Variants in ETFDH observed in about 807,000 individuals in gnomAD.
The protein encoded by ETFDH is electron transfer flavoprotein-ubiquinone oxidoreductase, mitochondrial.
A neutral mutation model predicts 73.2 loss-of-function variants in ETFDH; 61 were observed. That is an observed-to-expected ratio of 0.83 (90% confidence interval 0.68 to 1.03). The LOEUF is 1.03. ETFDH is among the 50% of genes least tolerant of loss of function. The pLI is 0.00. For synonymous variants in ETFDH, 243 were observed against 253.3 expected, an observed-to-expected ratio of 0.96 and a Z score of 0.39; for missense variants, 685 against 745.0, an observed-to-expected ratio of 0.92 and a Z score of 0.94.
At chr4:158,690,982 T>C (rs1016193082) in intron 6 of ETFDH, among the ~76,000 whole-genome samples, 6 of 152,192 alleles carry the variant, frequency 3.9e-5, no homozygotes, top group African/African-American at 9.7e-5. Context: ...TTAAAAAATA[T>C]AGAAGCAACT....
intron 8 of ETFDH, among the ~76,000 whole-genome samples, chr4:158,698,654 TTTG>T (rs1774375290): frequency 1.3e-5 from 2 of 152,282 alleles, no homozygotes; most frequent in Middle Eastern, 3.4e-3. Context: ...ATTTGTTTTT[TTTG>T]TTGTTGTTCA....
intron 9 of ETFDH, among the ~76,000 whole-genome samples, chr4:158,703,113 G>A (rs191731405): frequency 1.4e-3 from 210 of 152,262 alleles, no homozygotes; most frequent in Non-Finnish European, 2.6e-3. Context: ...ACATGGATAT[G>A]TGTAAATAAA....
At position 158,706,254 on chromosome 4, in the gene ETFDH, G is replaced by A; in HGVS notation, c.1351G>A (p.Val451Ile). 1 of 1,610,920 alleles carries A rather than the reference G, an allele frequency of 6.2e-7. No individual in the cohort carries two copies. The change falls in exon 11 of 13, where the codon GTT (valine) becomes ATT (isoleucine). Residue 451 changes from valine (V) to isoleucine (I), a missense_variant. This residue lies in a region of ETFDH where 201 missense variants were observed against 225.2 expected (regional missense o/e 0.89). Coordinates refer to ENST00000511912, the MANE Select transcript of ETFDH (RefSeq NM_004453.4). ...NSWVWKELYS[V>I]RNIRPSCHGV... Reference sequence around the variant, plus strand: ...ATGGGTATGGAAAGAGCTATATTCTGTTAGAAATATAAGACCGTCCTGCCA... The same window carrying A: ...ATGGGTATGGAAAGAGCTATATTCTATTAGAAATATAAGACCGTCCTGCCA...
At position 158,708,489 on chromosome 4, in the gene ETFDH, C is replaced by G; in HGVS notation, c.1816C>G (p.Pro606Ala). 6.2e-7 allele frequency: 1 copy of G among 1,613,312 alleles called. No individual in the cohort carries two copies. The change falls in exon 13 of 13, where the codon CCT (proline) becomes GCT (alanine). Residue 606 changes from proline (P) to alanine (A), a missense_variant. Pro to Ala is a conservative substitution (Grantham distance 27). This residue lies in a region of ETFDH where 201 missense variants were observed against 225.2 expected (regional missense o/e 0.89). Coordinates refer to ENST00000511912, the MANE Select transcript of ETFDH (RefSeq NM_004453.4). ...DPSQNINWVV[P>A]EGGGGPAYNG... ...AAGTCAGAATATTAACTGGGTGGTA[C>G]CTGAAGGTGGAGGAGGACCTGCTTA...
rs1349139100 is a variant in ETFDH at position 158,689,654 on chromosome 4, C to T, written c.607-694C>T. Among the ~76,000 whole-genome samples, 18 of 102,768 alleles carry T rather than the reference C, an allele frequency of 1.8e-4. 1 individual carries two copies. The highest frequency in any genetic ancestry group is 9.0e-4 in the Admixed American group (8 of 8,842). 67.4% of individuals were successfully genotyped at this position (102,768 alleles called of 152,430 possible). On this transcript the variant is annotated intron_variant, in intron 5 of 12. Coordinates refer to ENST00000511912, the MANE Select transcript of ETFDH (RefSeq NM_004453.4). The stretch of plus-strand genomic sequence containing the variant: ...TATATATATTGTGGGGGGGTGGGTT[C>T]ATATCCATTGCTGCTAATCTTTTCT...
rs764103435 is a variant in ETFDH at position 158,706,741 on chromosome 4, T to G, written c.1581T>G (p.Thr527=). 12 of 1,613,762 alleles carry G rather than the reference T, an allele frequency of 7.4e-6. No individual in the cohort carries two copies. Among genetic ancestry groups the G allele is most frequent in the Non-Finnish European group, 1.0e-5 (12 of 1,179,660 alleles). ...DLLSSVALSG[T]NHEHDQPAHL... The stretch of plus-strand genomic sequence containing the variant: ...TGTCATCTGTGGCTCTGAGTGGTAC[T>G]AATCATGAACATGACCAGCCGGCAC... The change falls in exon 12 of 13, where the codon ACT becomes ACG. Residue 527 remains threonine, a synonymous_variant. Transcript: ENST00000511912.
At chr4:158,704,603 A>T (rs1196577754) in intron 10 of ETFDH, among the ~76,000 whole-genome samples, 1 of 152,156 alleles carries the variant, frequency 6.6e-6, no homozygotes, top group African/African-American at 2.4e-5. Context: ...TTGGTACATT[A>T]TATTACTTAC....
intron 9 of ETFDH, among the ~76,000 whole-genome samples, chr4:158,702,130 G>T (rs530020046): frequency 6.6e-6 from 1 of 151,460 alleles, no homozygotes; most frequent in Admixed American, 6.6e-5. Flanking sequence ...GTATTACCCC[G>T]AATGCATGTA....
rs1255411235 is a variant in ETFDH at position 158,672,406 on chromosome 4, A to C, written c.-51A>C. The C allele has an allele frequency of 1.2e-6, 2 of 1,602,070 alleles. No homozygotes were observed. Among genetic ancestry groups the C allele is most frequent in the South Asian group, 2.2e-5 (2 of 90,826 alleles). On this transcript the variant is annotated 5_prime_UTR_variant, in exon 1 of 13. Coordinates refer to ENST00000511912, the MANE Select transcript of ETFDH (RefSeq NM_004453.4). ...TAGAGGTCCAGCGCCCGCCGCGAGC[A>C]GCGGACAGTCCTCCTGTTGTGTCCG...
rs1274275901 is a variant in ETFDH, at chr4:158,706,385, G to C, written c.1468+14G>C. 2.5e-6 allele frequency: 4 copies of C among 1,586,392 alleles called. No homozygotes were observed. The African/African-American group carries it at 4.0e-5, about 16-fold the overall frequency. On this transcript the variant is annotated intron_variant, in intron 11 of 12. Coordinates refer to ENST00000511912, the MANE Select transcript of ETFDH (RefSeq NM_004453.4). The stretch of plus-strand genomic sequence containing the variant: ...TGAAACATAAAGGTAATTCAAACAA[G>C]AGTATGAGTGACATGATCATTAAAA...
At position 158,682,208 on chromosome 4, in the gene ETFDH, A is replaced by G; in HGVS notation, c.189A>G (p.Glu63=). The G allele has an allele frequency of 6.2e-7, 1 of 1,614,038 alleles. No individual in the cohort carries two copies. The highest frequency in any genetic ancestry group is 1.1e-5 in the South Asian group (1 of 91,076). The part of the protein sequence containing the change: ...KDKRWEGVNM[E]RFAEEADVVI... The stretch of plus-strand genomic sequence containing the variant: ...TATTTCTCCCAGGAGTGAACATGGA[A>G]AGGTTTGCAGAAGAAGCAGATGTTG... The change falls in exon 3 of 13, where the codon GAA becomes GAG. Residue 63 remains glutamate (E), a synonymous_variant. Transcript: ENST00000511912.
At chr4:158,691,216 A>C (rs1774157192) in intron 6 of ETFDH, among the ~76,000 whole-genome samples, 1 of 152,244 alleles carries the variant, frequency 6.6e-6, no homozygotes, top group Non-Finnish European at 1.5e-5. Flanking sequence ...ACATCAAATG[A>C]AAATAGTTTC....
In ETFDH at chr4:158,700,191, A is replaced by C. The variant is rs537089797; in HGVS notation, c.1116+1061A>C. Among the ~76,000 whole-genome samples the C allele has an allele frequency of 3.9e-5, 6 of 152,272 alleles. No individual in the cohort carries two copies. In the East Asian group the frequency reaches 1.2e-3, roughly 29 times the overall value. On this transcript the variant is annotated intron_variant, in intron 9 of 12. Transcript: ENST00000511912. Reference sequence around the variant, plus strand: ...GTTCTAAATACTTTATTACTGTAATAGTATTTCATAAACTCAAAACCATAG... The same window carrying C: ...GTTCTAAATACTTTATTACTGTAATCGTATTTCATAAACTCAAAACCATAG...
At chr4:158,701,598 G>A (rs1178709834) in intron 9 of ETFDH, among the ~76,000 whole-genome samples, 4 of 152,108 alleles carry the variant, frequency 2.6e-5, no homozygotes, top group Non-Finnish European at 5.9e-5. Flanking sequence ...GAGCTGTGGC[G>A]ACAGAGTGCT....
chr4:158,686,720 C>A lies in ETFDH; in HGVS notation c.606+1501C>A, dbSNP rs116735643. On this transcript the variant is annotated intron_variant, in intron 5 of 12. Coordinates refer to ENST00000511912, the MANE Select transcript of ETFDH (RefSeq NM_004453.4). ...GAGGAATCCTGGTTTCTATGACTTG[C>A]TTTAGGGGAGAAAGAGGGATGGGAG... Among the ~76,000 whole-genome samples, 1,144 of 152,196 alleles carry A rather than the reference C, an allele frequency of 7.5e-3. 5 individuals carry two copies. Among genetic ancestry groups the A allele is most frequent in the South Asian group, 0.025 (122 of 4,822 alleles).
In ETFDH at chr4:158,703,599, A is replaced by G; in HGVS notation, c.1285+8A>G. 6.4e-7 allele frequency: 1 copy of G among 1,552,550 alleles called. No individual in the cohort carries two copies. Among genetic ancestry groups the G allele is most frequent in the Non-Finnish European group, 8.9e-7 (1 of 1,124,856 alleles). On this transcript the variant is annotated splice_region_variant and intron_variant, in intron 10 of 12. Transcript: ENST00000511912. The stretch of plus-strand genomic sequence containing the variant: ...TCCAATCAAAGACAATAGGTAAGAA[A>G]TTCCTGTGTAAAGTATACAAAAGAA...
chr4:158,679,729 A>G (rs1474546757), intron 1 of ETFDH: 1 of 152,164 alleles, frequency 6.6e-6, no homozygotes, highest in Non-Finnish European at 1.5e-5. Context: ...GTTCATTTCC[A>G]TAAAATACTT....
chr4:158,690,914 A>T (rs1012865689), intron 6 of ETFDH, among the ~76,000 whole-genome samples: 18 of 152,104 alleles, frequency 1.2e-4, no homozygotes, highest in Admixed American at 6.5e-5. Flanking sequence ...AAAAATTTTT[A>T]AAATGTCAAA....
chr4:158,704,600 A>G (rs899143917), intron 10 of ETFDH, among the ~76,000 whole-genome samples: 2 of 152,174 alleles, frequency 1.3e-5, no homozygotes, highest in African/African-American at 4.8e-5. Context: ...CTTTTGGTAC[A>G]TTATATTACT....
Sources: allele counts gnomAD v4.1 joint callset (sites outside exome capture counted in the v4.1 genomes callset), GRCh38; gene constraint gnomAD v4.1.1; regional missense constraint gnomAD v4.1.1; transcripts MANE v1.5; gene names NCBI Gene and HGNC (gene_info 2026-07-23, HGNC 2026-07-21).